Variants in TAOK2 observed in about 807,000 individuals in gnomAD.
The protein encoded by TAOK2 is TAO kinase 2, also known as serine/threonine-protein kinase TAO2.
Under a neutral mutation model 122.5 loss-of-function variants are expected in TAOK2, and 42 were observed. The observed-to-expected ratio is 0.34, with a 90% CI of 0.27 to 0.44. TAOK2 has a LOEUF of 0.44. Among genes scored for constraint, TAOK2 ranks in the 20% least tolerant of loss-of-function variants. The probability of loss-of-function intolerance (pLI) is 1.00; values close to 1 mark genes in which losing one functional copy is unlikely to be tolerated. For synonymous variants in TAOK2, 704 were observed against 677.6 expected, an observed-to-expected ratio of 1.04 and a Z score of -0.61; for missense variants, 1,264 against 1,644.9, an observed-to-expected ratio of 0.77 and a Z score of 4.01.
In TAOK2 at chr16:29,986,936, C is replaced by T. The variant is rs774481042; in HGVS notation, c.2664C>T (p.Gly888=). The T allele has an allele frequency of 3.9e-5, 63 of 1,613,946 alleles. No homozygotes were observed. The highest frequency in any genetic ancestry group is 4.9e-5 in the Non-Finnish European group (58 of 1,179,976). The change falls in exon 16 of 16, where the codon GGC becomes GGT. Residue 888 remains glycine (G), a synonymous_variant. Coordinates refer to ENST00000308893, the MANE Select transcript of TAOK2 (RefSeq NM_016151.4). The surrounding 1 kb of genome is among the most constrained non-coding windows in gnomAD (Gnocchi z 4.2). The part of the protein sequence containing the change: ...ESLLDEEFEL[G]WVQGPALTPV... Reference sequence around the variant, plus strand: ...TTCTGGATGAGGAGTTTGAGCTTGGCTGGGTCCAGGGCCCAGCACTGACTC... The same window carrying T: ...TTCTGGATGAGGAGTTTGAGCTTGGTTGGGTCCAGGGCCCAGCACTGACTC...
In TAOK2 at chr16:29,977,765, G is replaced by A; in HGVS notation, c.-8G>A. On this transcript the variant is annotated 5_prime_UTR_variant, in exon 2 of 16. Transcript: ENST00000308893. ...CAGGCCCCACTCTCAGGGCCCCCAGGGGCCACCATGCCAGCTGGGGGCCGG... is the reference window on the plus strand; with the variant it reads ...CAGGCCCCACTCTCAGGGCCCCCAGAGGCCACCATGCCAGCTGGGGGCCGG... 1 of 1,613,884 alleles carries A rather than the reference G, an allele frequency of 6.2e-7. No individual in the cohort carries two copies. Among genetic ancestry groups the A allele is most frequent in the Non-Finnish European group, 8.5e-7 (1 of 1,179,894 alleles).
downstream of TAOK2, chr16:29,991,251 C>T (rs750080677): frequency 5.0e-6 from 8 of 1,612,050 alleles, no homozygotes; most frequent in African/African-American, 9.3e-5. This position sits in a 1 kb window ranked among gnomAD's most constrained non-coding sequence, Gnocchi z 5.6. Context: ...GCCCTCCCGT[C>T]CCGTTCCCCG....
At chr16:29,981,791 AGGCCAT>A in intron 9 of TAOK2, 37 bp downstream of exon 9, 2 of 1,612,316 alleles carry the variant, frequency 1.2e-6, no homozygotes, top group Non-Finnish European at 1.7e-6. Context: ...CCCAGGCGTT[AGGCCAT>A]GGGGTATGGA....
chr16:29,983,799 T>TGCTCCC, intron 13 of TAOK2, 135 bp downstream of exon 13: 2 of 1,342,056 alleles, frequency 1.5e-6, no homozygotes, highest in Non-Finnish European at 2.0e-6. Flanking sequence ...GGCTCCTGCC[T>TGCTCCC]GCTCCCCTTA....
chr16:29,987,751 G>A lies in TAOK2; in HGVS notation c.3479G>A (p.Arg1160His), dbSNP rs200334119. The change falls in exon 16 of 16, where the codon CGT becomes CAT. Residue 1160 changes from arginine to histidine, a missense_variant. Coordinates refer to ENST00000308893, the MANE Select transcript of TAOK2 (RefSeq NM_016151.4). Reference protein sequence around the residue: ...VWVLCKGWNWRLARASQGLAS... With the variant: ...VWVLCKGWNWHLARASQGLAS... Reference sequence around the variant, plus strand: ...GTCCTGTGCAAGGGCTGGAACTGGCGTCTGGCACGGGCCAGCCAGGGTTTA... The same window carrying A: ...GTCCTGTGCAAGGGCTGGAACTGGCATCTGGCACGGGCCAGCCAGGGTTTA... The A allele has an allele frequency of 5.2e-5, 84 of 1,614,048 alleles. No individual in the cohort carries two copies. Among genetic ancestry groups the A allele is most frequent in the South Asian group, 7.7e-5 (7 of 91,092 alleles).
chr16:29,974,931 A>C (rs1271197843), intron 1 of TAOK2, among the ~76,000 whole-genome samples: 1 of 151,954 alleles, frequency 6.6e-6, no homozygotes, highest in Non-Finnish European at 1.5e-5. Flanking sequence ...TTTGCACTTC[A>C]GTCTTCTCTC....
chr16:29,986,323 A>C lies in TAOK2; in HGVS notation c.2051A>C (p.His684Pro). 6.4e-7 allele frequency: 1 copy of C among 1,567,980 alleles called. No individual in the cohort carries two copies. ...DLECALLLRQ[H>P]EATRELELRQ... ...GAGTGTGCACTGCTGCTTCGGCAGC[A>C]CGAGGCCACGCGGGAGCTGGAGCTG... Residue 684 changes from histidine to proline, a missense_variant, in exon 16 of 16, where the codon CAC (histidine) becomes CCC (proline). Coordinates refer to ENST00000308893, the MANE Select transcript of TAOK2 (RefSeq NM_016151.4). The surrounding 1 kb of genome is among the most constrained non-coding windows in gnomAD (Gnocchi z 4.2).
chr16:29,978,949 G>A (rs376712180), intron 5 of TAOK2, 25 bp from the exon 6 acceptor site: 31 of 1,613,952 alleles, frequency 1.9e-5, no homozygotes, highest in Non-Finnish European at 2.5e-5. Flanking sequence ...GCTCCCTCGG[G>A]TTGATGTTCT....
downstream of TAOK2, chr16:29,988,677 C>T (rs1567252930): frequency 1.0e-6 from 1 of 985,274 alleles, no homozygotes; most frequent in Non-Finnish European, 1.2e-6. Context: ...GTTTCCAGGC[C>T]CTTGGTCTCC....
At position 29,986,349 on chromosome 16, in the gene TAOK2, C is replaced by T. The variant is rs780259481; in HGVS notation, c.2077C>T (p.Arg693Trp). Residue 693 changes from arginine to tryptophan, a missense_variant, in exon 16 of 16, where the codon CGG becomes TGG. Transcript: ENST00000308893. The surrounding 1 kb of genome is among the most constrained non-coding windows in gnomAD (Gnocchi z 4.2). The stretch of plus-strand genomic sequence containing the variant: ...CGAGGCCACGCGGGAGCTGGAGCTG[C>T]GGCAGCTCCAGGCCGTGCAGCGCAC... ...QHEATRELEL[R>W]QLQAVQRTRA... The T allele has an allele frequency of 6.3e-6, 10 of 1,586,004 alleles. No homozygotes were observed. Among genetic ancestry groups the T allele is most frequent in the Admixed American group, 3.6e-5 (2 of 55,890 alleles).
rs763141970 is a variant in TAOK2 at position 29,983,526 on chromosome 16, C to A, written c.1284C>A (p.Asp428Glu). 1.9e-6 allele frequency: 3 copies of A among 1,612,978 alleles called. No individual in the cohort carries two copies. The highest frequency in any genetic ancestry group is 2.5e-6 in the Non-Finnish European group (3 of 1,179,358). The change falls in exon 13 of 16, where the codon GAC (aspartate) becomes GAA (glutamate). Residue 428 changes from aspartate to glutamate, a missense_variant. By Grantham distance (45) the Asp-to-Glu change is conservative (BLOSUM62 2). Transcript: ENST00000308893. ...RLPGSDNLYDDPYQPEITPSP... is the reference protein window; with the variant it reads ...RLPGSDNLYDEPYQPEITPSP... ...AGGGCTCTGACAACCTATATGATGA[C>A]CCCTACCAGCCAGAGATAACCCCCA...
chr16:29,990,964 C>T (rs140753098), downstream of TAOK2: 49 of 1,601,828 alleles, frequency 3.1e-5, 1 homozygote, highest in African/African-American at 4.8e-4. Context: ...GCTGGAGCAG[C>T]GGGTAAGGGG....
downstream of TAOK2, chr16:29,991,166 C>A (rs2069959520): frequency 6.2e-7 from 1 of 1,611,304 alleles, no homozygotes; most frequent in Non-Finnish European, 8.5e-7. This position sits in a 1 kb window ranked among gnomAD's most constrained non-coding sequence, Gnocchi z 5.6. Context: ...TGGGCTTCTC[C>A]AGCATGGCTC....
intron 13 of TAOK2, among the ~76,000 whole-genome samples, chr16:29,984,512 G>A (rs2069719883): frequency 6.6e-6 from 1 of 152,166 alleles, no homozygotes; most frequent in Non-Finnish European, 1.5e-5. Context: ...GCCTCTGCTT[G>A]GTGCTGGTTG....
At chr16:29,988,424 G>A (rs1363446956), downstream of TAOK2, 3 of 1,289,658 alleles carry the variant, frequency 2.3e-6, no homozygotes, top group Admixed American at 2.4e-5. Context: ...GCCTCTGTCT[G>A]CTTTGTCCTG....
intron 3 of TAOK2, 34 bp downstream of exon 3, chr16:29,978,194 AG>A: frequency 6.2e-7 from 1 of 1,614,040 alleles, no homozygotes; most frequent in Non-Finnish European, 8.5e-7. Context: ...GGTTGGGGAC[AG>A]GGGACTCCTG....
downstream of TAOK2, chr16:29,988,480 C>T (rs1184439643): frequency 6.6e-6 from 8 of 1,212,810 alleles, no homozygotes; most frequent in Middle Eastern, 2.6e-4. Context: ...CTCGGCCCGG[C>T]TCCATGACCT....
chr16:29,991,199 T>A, downstream of TAOK2: 2 of 1,611,122 alleles, frequency 1.2e-6, no homozygotes, highest in South Asian at 1.1e-5. The surrounding 1 kb of genome is among the most constrained non-coding windows in gnomAD (Gnocchi z 5.6). Flanking sequence ...CGGCTGAAGC[T>A]GCTGCCCAGG....
At position 29,985,916 on chromosome 16, in the gene TAOK2, AC is replaced by A; in HGVS notation, c.1992+58del. The A allele has an allele frequency of 6.4e-7, 1 of 1,562,478 alleles. No individual in the cohort carries two copies. Among genetic ancestry groups the A allele is most frequent in the Non-Finnish European group, 8.7e-7 (1 of 1,149,488 alleles). On this transcript the variant is annotated intron_variant, in intron 15 of 15. Coordinates refer to ENST00000308893, the MANE Select transcript of TAOK2 (RefSeq NM_016151.4). The surrounding 1 kb of genome is among the most constrained non-coding windows in gnomAD (Gnocchi z 6.9). ...GCTCACTCGTGGATCCCAGGGACCC[AC>A]CCTTTTCCATTTTCCTCATTCTTGT...
Sources: allele counts gnomAD v4.1 joint callset (sites outside exome capture counted in the v4.1 genomes callset), GRCh38; gene constraint gnomAD v4.1.1; non-coding constraint Gnocchi (gnomAD v3.1); transcripts MANE v1.5; gene names NCBI Gene and HGNC (gene_info 2026-07-23, HGNC 2026-07-21).